The following PSME3 variants were observed in gnomAD, a reference collection of about 807,000 sequenced individuals.
PSME3 encodes proteasome activator complex subunit 3.
A neutral mutation model predicts 38.3 loss-of-function variants in PSME3; 7 were observed. The ratio of observed to expected loss-of-function variants is 0.18; its 90% CI spans 0.10 to 0.34. PSME3 has a LOEUF of 0.34. Among genes scored for constraint, PSME3 ranks in the 10% least tolerant of loss-of-function variants. The pLI, the probability that PSME3 is intolerant of heterozygous loss-of-function variation, is 1.00. For missense variants in PSME3, 192 were observed against 307.6 expected, an observed-to-expected ratio of 0.62 and a Z score of 2.81; for synonymous variants, 108 against 105.7, an observed-to-expected ratio of 1.02 and a Z score of -0.13.
intron 1 of PSME3, 127 bp from the exon 2 acceptor site, chr17:42,834,217 G>A (rs1486028835): frequency 6.4e-7 from 1 of 1,561,798 alleles, no homozygotes; most frequent in Non-Finnish European, 8.7e-7. Flanking sequence ...TAAAGTATTT[G>A]CAGTCTGGGG....
intron 10 of PSME3, 42 bp from the exon 11 acceptor site, chr17:42,841,456 G>T (rs374644926): frequency 1.5e-6 from 2 of 1,337,578 alleles, no homozygotes; most frequent in South Asian, 1.2e-5. Flanking sequence ...ATGAGGTAAG[G>T]GTTGTACAGA....
chr17:42,834,467 A>AGACC, intron 2 of PSME3, 48 bp from the exon 3 acceptor site: 1 of 1,605,042 alleles, frequency 6.2e-7, no homozygotes, highest in Non-Finnish European at 8.5e-7. Context: ...AGAGAGAGAG[A>AGACC]GACCTTCCCA....
chr17:42,838,450 G>C lies in PSME3; in HGVS notation c.405+245G>C, dbSNP rs542787985. ...AGCCTCCCGAGTAGCTGGGATTACA[G>C]GTACCTGCCAACACACCCAGCTACT... On this transcript the variant is annotated intron_variant, in intron 6 of 10. Coordinates refer to ENST00000590720, the MANE Select transcript of PSME3 (RefSeq NM_005789.4). 1.7e-4 allele frequency among the ~76,000 whole-genome samples: 26 copies of C among 152,276 alleles called. No homozygotes were observed. In the South Asian group the frequency reaches 5.2e-3, roughly 30 times the overall value.
chr17:42,833,492 G>A lies in PSME3; in HGVS notation c.-140G>A, dbSNP rs1597950666. On this transcript the variant is annotated 5_prime_UTR_variant, in exon 1 of 11. Transcript: ENST00000590720. ...GGGCGGGCGGACGGCACAGAGGGAG[G>A]GAGCGAGCGAGCAGTGAGTAAGCCA... 2.0e-6 allele frequency: 2 copies of A among 1,016,552 alleles called. No homozygotes were observed. The highest frequency in any genetic ancestry group is 2.6e-5 in the East Asian group (1 of 38,832). The allele number at this position is 1,016,552 out of a possible 1,614,324, so 63.0% of individuals were successfully genotyped here. A position where few individuals can be genotyped will look rare whatever the true frequency, so the allele number is the denominator to read the frequency against.
chr17:42,840,664 T>A (rs892145186), intron 10 of PSME3, among the ~76,000 whole-genome samples: 2 of 152,160 alleles, frequency 1.3e-5, no homozygotes, highest in Middle Eastern at 6.3e-3. Context: ...TTCGCTTTTT[T>A]AAAATAAGTG....
intron 5 of PSME3, 91 bp downstream of exon 5, chr17:42,837,788 A>T: frequency 1.4e-6 from 2 of 1,414,968 alleles, no homozygotes; most frequent in South Asian, 2.3e-5. Context: ...CCTGACCAGG[A>T]GGCAAGATCT....
chr17:42,834,837 C>T lies in PSME3; in HGVS notation c.204C>T (p.Asp68=), dbSNP rs1026032442. The change falls in exon 4 of 11, where the codon GAC becomes GAT. Residue 68 remains aspartate (D), a synonymous_variant. Transcript: ENST00000590720. ...CTGACATGAATCTCCCAGTCCCTGA[C>T]CCCATTCTTCTCACCAATAGCCATG... ...IHSDMNLPVP[D]PILLTNSHDG... The T allele has an allele frequency of 3.1e-6, 5 of 1,613,894 alleles. No individual in the cohort carries two copies. The highest frequency in any genetic ancestry group is 4.2e-6 in the Non-Finnish European group (5 of 1,179,980).
rs1330644350 is a variant in PSME3, at chr17:42,842,572, C to T, written c.*994C>T. ...CTGCAAGTGTGAGGTCCAGATGCTG[C>T]TGCTCATGTTGGGCTTTCCTTTTGG... is the stretch of plus-strand genomic sequence containing the variant. On this transcript the variant is annotated 3_prime_UTR_variant, in exon 11 of 11. Coordinates refer to ENST00000590720, the MANE Select transcript of PSME3 (RefSeq NM_005789.4). The T allele has an allele frequency of 6.5e-6, 1 of 152,920 alleles. No individual in the cohort carries two copies. Among genetic ancestry groups the T allele is most frequent in the African/African-American group, 2.4e-5 (1 of 41,458 alleles). The allele number at this position is 152,920 out of a possible 1,614,324, so 9.5% of individuals were successfully genotyped here. A position where few individuals can be genotyped will look rare whatever the true frequency, so the allele number is the denominator to read the frequency against.
intron 3 of PSME3, 62 bp from the exon 4 acceptor site, chr17:42,834,710 C>G: frequency 6.2e-7 from 1 of 1,605,390 alleles, no homozygotes; most frequent in East Asian, 2.2e-5. Context: ...TCTTGCTCTT[C>G]AAATCAAATA....
At chr17:42,833,859 T>C (rs992032638) in intron 1 of PSME3, 186 bp downstream of exon 1, 1 of 1,497,744 alleles carries the variant, frequency 6.7e-7, no homozygotes, top group Non-Finnish European at 8.9e-7. Flanking sequence ...TGGCTTTCTG[T>C]ACCGCGTCTG....
intron 10 of PSME3, among the ~76,000 whole-genome samples, chr17:42,839,868 T>G (rs1460193912): frequency 6.6e-6 from 1 of 151,682 alleles, no homozygotes; most frequent in East Asian, 1.9e-4. Flanking sequence ...TGGTGGCACA[T>G]GTCTGTAATC....
At position 42,835,015 on chromosome 17, in the gene PSME3, T is replaced by C. The variant is rs2055444815; in HGVS notation, c.243+139T>C. 7.6e-6 allele frequency: 9 copies of C among 1,186,514 alleles called. No individual in the cohort carries two copies. The South Asian group carries it at 1.2e-4, about 16-fold the overall frequency. The allele number at this position is 1,186,514 out of a possible 1,614,324, so 73.5% of individuals were successfully genotyped here. On this transcript the variant is annotated intron_variant, in intron 4 of 10. Coordinates refer to ENST00000590720, the MANE Select transcript of PSME3 (RefSeq NM_005789.4). ...GACTCTGTTACAGACATGATGACTC[T>C]AGTATAGTTCTTTTATTTCTTATTT...
chr17:42,833,955 A>G (rs2055430588), intron 1 of PSME3: 2 of 1,439,268 alleles, frequency 1.4e-6, no homozygotes, highest in Non-Finnish European at 1.8e-6. Context: ...CCCCCAGCCC[A>G]ACAACGTCCC....
chr17:42,838,289 G>A, intron 6 of PSME3, 84 bp downstream of exon 6: 1 of 1,561,622 alleles, frequency 6.4e-7, no homozygotes, highest in South Asian at 1.2e-5. Flanking sequence ...GGGTGGTATG[G>A]GAATTGGCAG....
intron 3 of PSME3, 60 bp downstream of exon 3, chr17:42,834,637 A>T: frequency 1.2e-6 from 2 of 1,604,636 alleles, no homozygotes; most frequent in Non-Finnish European, 1.7e-6. Flanking sequence ...TATTACTGTC[A>T]ACTGGGATAA....
At chr17:42,839,770 G>A (rs1216073115) in intron 10 of PSME3, among the ~76,000 whole-genome samples, 4 of 152,214 alleles carry the variant, frequency 2.6e-5, no homozygotes, top group African/African-American at 9.6e-5. Context: ...GCCAAGCCGG[G>A]TGGATCACCT....
At chr17:42,837,975 G>A (rs2055483797) in intron 5 of PSME3, 118 bp from the exon 6 acceptor site, 3 of 1,099,596 alleles carry the variant, frequency 2.7e-6, no homozygotes, top group African/African-American at 3.1e-5. Context: ...TGTCATGGTA[G>A]GATTGTGACA....
In PSME3 at chr17:42,838,849, C is replaced by T. The variant is rs1333218285; in HGVS notation, c.474+50C>T. Reference sequence around the variant, plus strand: ...GGAAGAGTGGCTTGGGAGATACTCTCATCTCCCCTGCGTTACCTTTTTTTC... The same window carrying T: ...GGAAGAGTGGCTTGGGAGATACTCTTATCTCCCCTGCGTTACCTTTTTTTC... On this transcript the variant is annotated intron_variant, in intron 7 of 10. Transcript: ENST00000590720. The T allele has an allele frequency of 3.9e-6, 6 of 1,553,062 alleles. No individual in the cohort carries two copies. In the African/African-American group the frequency reaches 4.1e-5, roughly 11 times the overall value.
In PSME3 at chr17:42,834,733, G is replaced by A. The variant is rs201478413; in HGVS notation, c.139-39G>A. Reference sequence around the variant, plus strand: ...TTCAAATCAAATACTTCTTTGTTCAGCTTGAAAAGATTAATGTTTTGGGGT... The same window carrying A: ...TTCAAATCAAATACTTCTTTGTTCAACTTGAAAAGATTAATGTTTTGGGGT... On this transcript the variant is annotated intron_variant, in intron 3 of 10. Transcript: ENST00000590720. The A allele has an allele frequency of 3.1e-6, 5 of 1,612,084 alleles. No homozygotes were observed. The African/African-American group carries it at 5.3e-5, about 17-fold the overall frequency.
Sources: gnomAD v4.1 joint callset for allele counts (sites outside exome capture counted in the v4.1 genomes callset) on GRCh38, gnomAD v4.1.1 for gene constraint, MANE v1.5 for transcripts, NCBI Gene and HGNC (gene_info 2026-07-23, HGNC 2026-07-21) for gene names.